The following DDI2 variants were observed in gnomAD, a reference collection of about 807,000 sequenced individuals.
DDI2 encodes protein DDI1 homolog 2.
In DDI2, 5 loss-of-function variants were observed where a neutral mutation model predicts 48.1. That is an observed-to-expected ratio of 0.10 (90% CI 0.05 to 0.22). DDI2 has a LOEUF of 0.22. Ranked by LOEUF, DDI2 falls within the 10% of genes least tolerant of loss-of-function variation. DDI2 has a pLI of 1.00. For missense variants in DDI2, 285 were observed against 506.2 expected, an observed-to-expected ratio of 0.56 and a Z score of 4.19; for synonymous variants, 205 against 183.6, an observed-to-expected ratio of 1.12 and a Z score of -0.94.
intron 1 of DDI2, among the ~76,000 whole-genome samples, chr1:15,626,407 A>G (rs993005124): frequency 2.0e-5 from 3 of 152,216 alleles, no homozygotes; most frequent in Non-Finnish European, 2.9e-5. Flanking sequence ...AACAAGAGAA[A>G]CAGCCCTGAA....
At chr1:15,630,867 G>A (rs185578748) in intron 3 of DDI2, among the ~76,000 whole-genome samples, 23 of 152,202 alleles carry the variant, frequency 1.5e-4, no homozygotes, top group African/African-American at 3.6e-4. Flanking sequence ...TCTTTGAGAC[G>A]GAGTCTTGCT....
intron 1 of DDI2, among the ~76,000 whole-genome samples, chr1:15,623,301 T>C (rs530336748): frequency 2.0e-5 from 3 of 152,148 alleles, no homozygotes; most frequent in South Asian, 2.1e-4. Context: ...CAGGCCACTT[T>C]AGGGTTATGT....
At chr1:15,658,973 C>T (rs1310532914) in intron 9 of DDI2, among the ~76,000 whole-genome samples, 1 of 152,138 alleles carries the variant, frequency 6.6e-6, no homozygotes, top group African/African-American at 2.4e-5. Flanking sequence ...TTCTTTAAAA[C>T]ATTTAAATAT....
intron 5 of DDI2, among the ~76,000 whole-genome samples, chr1:15,640,572 C>G (rs1639992316): frequency 6.6e-6 from 1 of 152,166 alleles, no homozygotes; most frequent in Admixed American, 6.5e-5. Flanking sequence ...CCGAGGTGCT[C>G]AGGAGAGTCT....
intron 3 of DDI2, 55 bp from the exon 4 acceptor site, chr1:15,633,384 T>A: frequency 6.3e-7 from 1 of 1,589,490 alleles, no homozygotes; most frequent in Non-Finnish European, 8.6e-7. Context: ...GGAAAAGTAC[T>A]GATAAACGTT....
At chr1:15,659,088 C>T (rs1013040324) in intron 9 of DDI2, among the ~76,000 whole-genome samples, 4 of 152,174 alleles carry the variant, frequency 2.6e-5, no homozygotes, top group African/African-American at 9.7e-5. Flanking sequence ...ATCTGCTGAT[C>T]ATTAGTTTAC....
At chr1:15,647,617 A>G (rs1014080770) in intron 6 of DDI2, among the ~76,000 whole-genome samples, 3 of 152,144 alleles carry the variant, frequency 2.0e-5, no homozygotes, top group African/African-American at 7.2e-5. Flanking sequence ...CACTGAATGA[A>G]TATTCATCTT....
At chr1:15,643,917 T>G (rs79593939) in intron 6 of DDI2, among the ~76,000 whole-genome samples, 1,725 of 152,270 alleles carry the variant, frequency 0.011, 46 homozygotes, top group East Asian at 0.1. Flanking sequence ...TTTCCGTCAT[T>G]TTAGCTGATT....
intron 1 of DDI2, among the ~76,000 whole-genome samples, chr1:15,622,198 C>CTTTTT (rs923707351): frequency 0.079 from 10,322 of 131,036 alleles, 704 homozygotes; most frequent in African/African-American, 0.13. Context: ...GTAGCTGCGA[C>CTTTTT]TTTTTTTTTT....
chr1:15,661,366 G>T lies in DDI2; in HGVS notation c.*1576G>T, dbSNP rs1245463553. ...AATTTCACCCAAACTTTTAGCAGGT[G>T]AGGAGGATGCACTCAATCAGACTTC... On this transcript the variant is annotated 3_prime_UTR_variant, in exon 10 of 10. Transcript: ENST00000480945. 1.7e-5 allele frequency: 27 copies of T among 1,614,170 alleles called. No individual in the cohort carries two copies. The highest frequency in any genetic ancestry group is 2.3e-5 in the Non-Finnish European group (27 of 1,180,028).
intron 9 of DDI2, chr1:15,657,008 A>C (rs1273137741): frequency 1.6e-5 from 3 of 190,364 alleles, no homozygotes; most frequent in African/African-American, 7.0e-5. Flanking sequence ...GTTGGAGATA[A>C]CTATGCTTTC....
chr1:15,628,690 C>T (rs571626332), intron 2 of DDI2, among the ~76,000 whole-genome samples: 1 of 152,228 alleles, frequency 6.6e-6, no homozygotes, highest in East Asian at 1.9e-4. Context: ...TTACTTTTCT[C>T]TTTTTCATTT....
chr1:15,646,034 T>C (rs140597491), intron 6 of DDI2, among the ~76,000 whole-genome samples: 2 of 152,316 alleles, frequency 1.3e-5, no homozygotes, highest in African/African-American at 2.4e-5. Flanking sequence ...TGGTTTTCAG[T>C]TGGATACTTG....
chr1:15,617,940 C>T, intron 1 of DDI2, 132 bp downstream of exon 1: 1 of 1,312,394 alleles, frequency 7.6e-7, no homozygotes, highest in Admixed American at 3.2e-5. Context: ...CAGGTCACCC[C>T]CGCATCCGGA....
rs777340521 is a variant in DDI2 at position 15,660,406 on chromosome 1, C to G, written c.*616C>G. On this transcript the variant is annotated 3_prime_UTR_variant, in exon 10 of 10. Coordinates refer to ENST00000480945, the MANE Select transcript of DDI2 (RefSeq NM_032341.5). Reference sequence around the variant, plus strand: ...AGGGAATGAACAGTATGAGGTTGCACAACAAAAAGCTTCACATGACCAAGA... The same window carrying G: ...AGGGAATGAACAGTATGAGGTTGCAGAACAAAAAGCTTCACATGACCAAGA... 23 of 1,613,792 alleles carry G rather than the reference C, an allele frequency of 1.4e-5. No homozygotes were observed. Among genetic ancestry groups the G allele is most frequent in the Non-Finnish European group, 7.6e-6 (9 of 1,179,946 alleles).
At chr1:15,638,530 C>CT (rs775059343) in intron 5 of DDI2, 96 bp downstream of exon 5, 100,692 of 562,912 alleles carry the variant, frequency 0.18, 4,092 homozygotes, top group East Asian at 0.31. Context: ...GATGGCTGTA[C>CT]TTTTTTTTTT....
rs555888484 is a variant in DDI2, at chr1:15,622,721, G to A, written c.139-3948G>A. Reference sequence around the variant, plus strand: ...AAGCCATGTCTAATAGATACTGAATGTTTGGTTGGAAGATCACATGGATTT... The same window carrying A: ...AAGCCATGTCTAATAGATACTGAATATTTGGTTGGAAGATCACATGGATTT... On this transcript the variant is annotated intron_variant, in intron 1 of 9. Coordinates refer to ENST00000480945, the MANE Select transcript of DDI2 (RefSeq NM_032341.5). 1.2e-4 allele frequency among the ~76,000 whole-genome samples: 19 copies of A among 152,296 alleles called. 1 individual carries two copies. The East Asian group carries it at 2.9e-3, about 23-fold the overall frequency.
intron 8 of DDI2, chr1:15,656,358 C>CT (rs143910554): frequency 0.069 from 90,171 of 1,313,250 alleles, 4,042 homozygotes; most frequent in African/African-American, 0.19. Flanking sequence ...CGTGAATTCT[C>CT]TATGTGTAGA....
Position 15,626,666 on chromosome 1 carries a change from T to C in DDI2, c.139-3T>C. ...TACTGTTGTATATCTTTTCTTGTTG[T>C]AGATCGTCTATGCGGAAAGACCTCT... On this transcript the variant is annotated splice_polypyrimidine_tract_variant and splice_region_variant and intron_variant, in intron 1 of 9. Coordinates refer to ENST00000480945, the MANE Select transcript of DDI2 (RefSeq NM_032341.5). The C allele has an allele frequency of 6.2e-7, 1 of 1,614,218 alleles. No homozygotes were observed. The highest frequency in any genetic ancestry group is 8.5e-7 in the Non-Finnish European group (1 of 1,180,032).
Sources: gnomAD v4.1 joint callset for allele counts (sites outside exome capture counted in the v4.1 genomes callset) on GRCh38, gnomAD v4.1.1 for gene constraint, MANE v1.5 for transcripts, NCBI Gene and HGNC (gene_info 2026-07-23, HGNC 2026-07-21) for gene names.